Variants in SLC4A10 observed in about 807,000 individuals in gnomAD.
SLC4A10 encodes the protein solute carrier family 4 member 10, also known as sodium-driven chloride bicarbonate exchanger.
A neutral mutation model predicts 137.7 loss-of-function variants in SLC4A10; 42 were observed. That is an observed-to-expected ratio of 0.30 (90% CI 0.24 to 0.39). The LOEUF is 0.39. Among genes scored for constraint, SLC4A10 ranks in the 10% least tolerant of loss-of-function variants. The pLI, the probability that SLC4A10 is intolerant of heterozygous loss-of-function variation, is 1.00. For missense variants in SLC4A10, 925 were observed against 1,355.0 expected, an observed-to-expected ratio of 0.68 and a Z score of 4.98; for synonymous variants, 474 against 464.1, an observed-to-expected ratio of 1.02 and a Z score of -0.27.
intron 11 of SLC4A10, among the ~76,000 whole-genome samples, chr2:161,900,126 C>T (rs1346099283): frequency 6.6e-6 from 1 of 151,974 alleles, no homozygotes; most frequent in East Asian, 1.9e-4. Context: ...CTAAGATCAC[C>T]ATAGGTAGGA....
intron 5 of SLC4A10, among the ~76,000 whole-genome samples, chr2:161,861,502 T>G (rs1160478705): frequency 6.7e-6 from 1 of 149,078 alleles, no homozygotes; most frequent in East Asian, 2.0e-4. Flanking sequence ...CTTTCTATTA[T>G]GTGAGCCAAT....
chr2:161,893,596 GA>G (rs2063141511), intron 10 of SLC4A10, among the ~76,000 whole-genome samples: 1 of 151,940 alleles, frequency 6.6e-6, no homozygotes, highest in African/African-American at 2.4e-5. Flanking sequence ...CTACTTGGAA[GA>G]CAGGAGCTTA....
At chr2:161,947,887 A>G (rs116527240) in intron 17 of SLC4A10, among the ~76,000 whole-genome samples, 160 bp downstream of exon 17, 4 of 152,300 alleles carry the variant, frequency 2.6e-5, no homozygotes, top group Non-Finnish European at 5.9e-5. Context: ...TTTGTGATGC[A>G]GGTGCTGGGA....
At chr2:161,892,959 A>G (rs954016538) in intron 10 of SLC4A10, among the ~76,000 whole-genome samples, 2 of 152,124 alleles carry the variant, frequency 1.3e-5, no homozygotes, top group African/African-American at 4.8e-5. Context: ...ATCATGCTAA[A>G]CTTTCATCAA....
At chr2:161,758,211 A>G (rs2049876398) in intron 1 of SLC4A10, among the ~76,000 whole-genome samples, 1 of 151,960 alleles carries the variant, frequency 6.6e-6, no homozygotes, top group South Asian at 2.1e-4. Flanking sequence ...TTATATGATA[A>G]AACATATCAC....
chr2:161,866,065 G>C (rs887071843), intron 6 of SLC4A10, among the ~76,000 whole-genome samples: 1 of 151,948 alleles, frequency 6.6e-6, no homozygotes, highest in Non-Finnish European at 1.5e-5. Flanking sequence ...CATAGTGGTA[G>C]AAATAAGTCC....
At chr2:161,730,609 C>A (rs2046723494) in intron 1 of SLC4A10, among the ~76,000 whole-genome samples, 1 of 152,156 alleles carries the variant, frequency 6.6e-6, no homozygotes, top group Non-Finnish European at 1.5e-5. Flanking sequence ...GTAGTTAGGT[C>A]TCTGTCCTGA....
chr2:161,804,301 A>G (rs573446527), intron 2 of SLC4A10, 148 bp from the exon 3 acceptor site: 53 of 729,806 alleles, frequency 7.3e-5, no homozygotes, highest in South Asian at 5.0e-4. Context: ...GCCAAAAGAC[A>G]GTGCCACGCT....
intron 1 of SLC4A10, among the ~76,000 whole-genome samples, chr2:161,704,093 G>A (rs576808713): frequency 6.6e-6 from 1 of 151,582 alleles, no homozygotes. Context: ...AGTACTCTCA[G>A]TGCTTTCTAT....
At chr2:161,948,274 A>G (rs1694185170) in intron 17 of SLC4A10, among the ~76,000 whole-genome samples, 1 of 152,148 alleles carries the variant, frequency 6.6e-6, no homozygotes, top group South Asian at 2.1e-4. Flanking sequence ...AAAAATTTAA[A>G]AAAAGGAAAA....
chr2:161,979,033 C>G (rs1699830927), intron 26 of SLC4A10, among the ~76,000 whole-genome samples: 1 of 152,126 alleles, frequency 6.6e-6, no homozygotes, highest in Admixed American at 6.5e-5. Flanking sequence ...GTGTACTTGT[C>G]ACATGAAAAA....
At chr2:161,727,613 T>C (rs548910554) in intron 1 of SLC4A10, among the ~76,000 whole-genome samples, 2 of 151,982 alleles carry the variant, frequency 1.3e-5, no homozygotes, top group African/African-American at 2.4e-5. Context: ...CACAGGAACA[T>C]TGAGAGAACA....
At chr2:161,749,037 C>T (rs1323475063) in intron 1 of SLC4A10, among the ~76,000 whole-genome samples, 5 of 151,780 alleles carry the variant, frequency 3.3e-5, no homozygotes, top group Admixed American at 3.3e-4. Flanking sequence ...TATTTTGATG[C>T]TATTGTAAAT....
At chr2:161,963,853 C>T (rs558495045) in intron 21 of SLC4A10, among the ~76,000 whole-genome samples, 61 of 152,282 alleles carry the variant, frequency 4.0e-4, no homozygotes, top group Non-Finnish European at 6.2e-4. Flanking sequence ...CAGGGCTCCA[C>T]TCTTCAAGGT....
At chr2:161,803,416 A>G (rs539296893) in intron 2 of SLC4A10, among the ~76,000 whole-genome samples, 1 of 152,230 alleles carries the variant, frequency 6.6e-6, no homozygotes, top group Admixed American at 6.6e-5. Context: ...TCTGTGTTAT[A>G]CAGTTCTATT....
At chr2:161,843,063 C>A (rs1575234127) in intron 4 of SLC4A10, among the ~76,000 whole-genome samples, 1 of 152,230 alleles carries the variant, frequency 6.6e-6, no homozygotes, top group African/African-American at 2.4e-5. Flanking sequence ...CTTCTTTACC[C>A]TCATACTACA....
chr2:161,840,018 C>T (rs1164900824), intron 4 of SLC4A10, 91 bp downstream of exon 4: 14 of 1,464,738 alleles, frequency 9.6e-6, no homozygotes, highest in Middle Eastern at 1.8e-4. Flanking sequence ...TTGCAAACAT[C>T]TATGATTGCT....
At chr2:161,687,991 A>G (rs1455876360) in intron 1 of SLC4A10, among the ~76,000 whole-genome samples, 1 of 152,236 alleles carries the variant, frequency 6.6e-6, no homozygotes, top group Non-Finnish European at 1.5e-5. Flanking sequence ...ACAAATATCT[A>G]CACATTAAGA....
rs189987620 is a variant in SLC4A10, at chr2:161,880,772, T to A, written c.1106+1484T>A. Among the ~76,000 whole-genome samples the A allele has an allele frequency of 4.2e-3, 646 of 152,268 alleles. 2 individuals are homozygous for A. Among genetic ancestry groups the A allele is most frequent in the African/African-American group, 0.015 (619 of 41,586 alleles). ...TATTATAGCAGTTTAAAATTTCTTT[T>A]CAGTCCTCCAAGCAGTGCATTTGTG... On this transcript the variant is annotated intron_variant, in intron 9 of 26. Transcript: ENST00000446997.
Sources: gnomAD v4.1 joint callset for allele counts (sites outside exome capture counted in the v4.1 genomes callset) on GRCh38, gnomAD v4.1.1 for gene constraint, MANE v1.5 for transcripts, NCBI Gene and HGNC (gene_info 2026-07-23, HGNC 2026-07-21) for gene names.